FUBP1: variants seen among roughly 807,000 people sequenced by gnomAD.
FUBP1 encodes far upstream element-binding protein 1.
Under a neutral mutation model 94.9 loss-of-function variants are expected in FUBP1, and 16 were observed. That is an observed-to-expected ratio of 0.17 (90% confidence interval 0.11 to 0.26). FUBP1 has a LOEUF of 0.26. FUBP1 is among the 10% of genes least tolerant of loss of function. The pLI is 1.00. For missense variants in FUBP1, 583 were observed against 808.6 expected (o/e 0.72, Z 3.38); for synonymous variants, 279 against 254.9 (o/e 1.09, Z -0.90).
At chr1:77,950,619 T>G (rs963185785) in intron 18 of FUBP1, among the ~76,000 whole-genome samples, 3 of 152,224 alleles carry the variant, frequency 2.0e-5, no homozygotes, top group Non-Finnish European at 2.9e-5. Flanking sequence ...TATATAATTT[T>G]CTAAATAAAA....
intron 16 of FUBP1, among the ~76,000 whole-genome samples, chr1:77,959,000 T>C (rs766201543): frequency 7.9e-5 from 12 of 152,166 alleles, no homozygotes; most frequent in Non-Finnish European, 1.5e-4. Flanking sequence ...AACCCCAACT[T>C]TGCACACCTA....
At chr1:77,963,824 T>C (rs1032882027) in intron 12 of FUBP1, 109 bp from the exon 13 acceptor site, 10 of 899,410 alleles carry the variant, frequency 1.1e-5, no homozygotes, top group Middle Eastern at 2.5e-4. Flanking sequence ...GAATCAGAAA[T>C]GTAGAGATGA....
chr1:77,973,013 A>T (rs1571358524), intron 1 of FUBP1, among the ~76,000 whole-genome samples: 2 of 114,698 alleles, frequency 1.7e-5, no homozygotes, highest in African/African-American at 6.2e-5. Context: ...TCCATCTCTT[A>T]AAAAAAAAAA....
intron 18 of FUBP1, among the ~76,000 whole-genome samples, chr1:77,954,360 CA>C (rs1373263770): frequency 6.6e-6 from 1 of 152,102 alleles, no homozygotes; most frequent in Admixed American, 6.5e-5. Flanking sequence ...AGCTAGGTCA[CA>C]AAAACATAAT....
intron 1 of FUBP1, among the ~76,000 whole-genome samples, chr1:77,973,007 T>C (rs975624527): frequency 5.5e-5 from 8 of 145,824 alleles, no homozygotes; most frequent in Admixed American, 3.4e-4. Flanking sequence ...CAAGACTCCA[T>C]CTCTTAAAAA....
intron 2 of FUBP1, chr1:77,969,060 C>T: frequency 7.8e-7 from 1 of 1,286,684 alleles, no homozygotes; most frequent in Non-Finnish European, 1.0e-6. Context: ...GTGTGTTGTA[C>T]TGCTCGGACT....
At chr1:77,968,046 C>T in intron 3 of FUBP1, 119 bp downstream of exon 3, 1 of 620,564 alleles carries the variant, frequency 1.6e-6, no homozygotes, top group Admixed American at 3.5e-5. Context: ...GAAATTCAGG[C>T]TAGCTGATCC....
rs1368077413 is a variant in FUBP1, at chr1:77,948,266, G to A, written c.*500C>T. On this transcript the variant is annotated 3_prime_UTR_variant, in exon 20 of 20. Transcript: ENST00000370768. ...CTCCAATCTACCACTATACTGCAAG[G>A]GGGGAAAAACATGCCAGTGTTTAAA... 9.5e-7 allele frequency: 1 copy of A among 1,055,926 alleles called. No homozygotes were observed. Among genetic ancestry groups the A allele is most frequent in the Non-Finnish European group, 1.1e-6 (1 of 873,074 alleles). The allele number at this position is 1,055,926 out of a possible 1,614,324, so 65.4% of individuals were successfully genotyped here.
chr1:77,971,342 T>C (rs1657500159), intron 1 of FUBP1, among the ~76,000 whole-genome samples: 1 of 152,224 alleles, frequency 6.6e-6, no homozygotes, highest in Non-Finnish European at 1.5e-5. Flanking sequence ...AAAACCTAAC[T>C]TTTGGTGACT....
chr1:77,969,299 T>C (rs534984134), intron 2 of FUBP1, among the ~76,000 whole-genome samples: 1 of 152,172 alleles, frequency 6.6e-6, no homozygotes, highest in South Asian at 2.1e-4. Context: ...TCAAAACTCA[T>C]ATATCAAACC....
At chr1:77,953,234 A>G (rs940508534) in intron 18 of FUBP1, among the ~76,000 whole-genome samples, 2 of 151,792 alleles carry the variant, frequency 1.3e-5, no homozygotes, top group Non-Finnish European at 2.9e-5. Context: ...TCACACCCAT[A>G]ATCCCAACAC....
intron 1 of FUBP1, among the ~76,000 whole-genome samples, chr1:77,977,912 A>G (rs1306607941): frequency 3.3e-5 from 5 of 152,232 alleles, no homozygotes; most frequent in African/African-American, 1.2e-4. Context: ...TAAAAAGTTA[A>G]CTAAGTGAAC....
At chr1:77,979,181 G>T, upstream of FUBP1, 1 of 637,166 alleles carries the variant, frequency 1.6e-6, no homozygotes, top group Non-Finnish European at 2.7e-6. Flanking sequence ...CAACGCGCTG[G>T]TGTGGGTTAG....
upstream of FUBP1, chr1:77,979,333 A>T: frequency 3.3e-6 from 1 of 298,566 alleles, no homozygotes; most frequent in Non-Finnish European, 6.4e-6. Flanking sequence ...GGTGGGTGAT[A>T]GTGGCCAGTT....
intron 1 of FUBP1, among the ~76,000 whole-genome samples, chr1:77,972,633 G>A (rs563017991): frequency 9.3e-5 from 14 of 150,078 alleles, no homozygotes; most frequent in Admixed American, 3.3e-4. Context: ...ACAGTGGTGC[G>A]CACCTGTAAT....
chr1:77,953,679 A>G (rs893251425), intron 18 of FUBP1, among the ~76,000 whole-genome samples: 3 of 152,124 alleles, frequency 2.0e-5, no homozygotes, highest in African/African-American at 7.2e-5. Flanking sequence ...TCTAACTGGC[A>G]GGGAAATGGT....
Position 77,963,538 on chromosome 1 carries a change from A to G in FUBP1, c.1183+36T>C, listed in dbSNP as rs571886760. 9 of 1,244,018 alleles carry G rather than the reference A, an allele frequency of 7.2e-6. No individual in the cohort carries two copies. In the South Asian group the frequency reaches 1.2e-4, roughly 16 times the overall value. The allele number at this position is 1,244,018 out of a possible 1,614,324, so 77.1% of individuals were successfully genotyped here. On this transcript the variant is annotated intron_variant, in intron 13 of 19. Coordinates refer to ENST00000370768, the MANE Select transcript of FUBP1 (RefSeq NM_003902.5). ...ACAGAAAGTGTCCAGAAAAATGAATAATGTGTTAAAACATTAAGAGTTTAA... is the reference window on the plus strand; with the variant it reads ...ACAGAAAGTGTCCAGAAAAATGAATGATGTGTTAAAACATTAAGAGTTTAA...
chr1:77,948,283 G>A lies in FUBP1; in HGVS notation c.*483C>T, dbSNP rs1246462101. 1.9e-6 allele frequency: 2 copies of A among 1,052,966 alleles called. No homozygotes were observed. The highest frequency in any genetic ancestry group is 2.3e-6 in the Non-Finnish European group (2 of 869,812). 65.2% of individuals were successfully genotyped at this position (1,052,966 alleles called of 1,614,324 possible). On this transcript the variant is annotated 3_prime_UTR_variant, in exon 20 of 20. Transcript: ENST00000370768. ...ACTGCAAGGGGGGAAAAACATGCCA[G>A]TGTTTAAAAACTCAATATTTCATGG...
intron 12 of FUBP1, 92 bp downstream of exon 12, chr1:77,963,970 G>A: frequency 3.6e-6 from 3 of 823,430 alleles, no homozygotes; most frequent in African/African-American, 1.7e-5. Context: ...GCATCATCAA[G>A]CAGACTCTGA....
Sources: allele counts gnomAD v4.1 joint callset (sites outside exome capture counted in the v4.1 genomes callset), GRCh38; gene constraint gnomAD v4.1.1; transcripts MANE v1.5; gene names NCBI Gene and HGNC (gene_info 2026-07-23, HGNC 2026-07-21).